The following AGMO variants were observed in gnomAD, a reference collection of about 807,000 sequenced individuals.
AGMO encodes the protein alkylglycerol monooxygenase.
AGMO carries 75 observed loss-of-function variants against 60.2 expected under a neutral mutation model. That is an observed-to-expected ratio of 1.25 (90% confidence interval 1.03 to 1.51). AGMO has a LOEUF of 1.51. Ranked by LOEUF, AGMO falls within the 40% of genes most tolerant of loss-of-function variation. The probability of loss-of-function intolerance (pLI) is 0.00; values close to 1 mark genes in which losing one functional copy is unlikely to be tolerated. For missense variants in AGMO, 763 were observed against 525.5 expected, an observed-to-expected ratio of 1.45 and a Z score of -4.42; for synonymous variants, 261 against 177.1, an observed-to-expected ratio of 1.47 and a Z score of -3.76.
At chr7:15,303,445 A>G (rs1400099285) in intron 12 of AGMO, among the ~76,000 whole-genome samples, 2 of 151,792 alleles carry the variant, frequency 1.3e-5, no homozygotes, top group African/African-American at 4.8e-5. Flanking sequence ...AGAAAAAAAA[A>G]AGAGAGAGAA....
intron 12 of AGMO, among the ~76,000 whole-genome samples, chr7:15,365,020 C>G (rs1024057429): frequency 1.8e-4 from 27 of 151,948 alleles, no homozygotes; most frequent in African/African-American, 6.3e-4. Flanking sequence ...TAAGAATTAA[C>G]CATCACAGAA....
intron 3 of AGMO, among the ~76,000 whole-genome samples, chr7:15,521,615 G>A (rs904472802): frequency 6.6e-6 from 1 of 152,136 alleles, no homozygotes; most frequent in African/African-American, 2.4e-5. Context: ...TATCTCAATA[G>A]ATGCAGAAAA....
intron 12 of AGMO, among the ~76,000 whole-genome samples, chr7:15,229,729 T>TATATATAATTATTTA (rs1782200919): frequency 7.4e-6 from 1 of 135,172 alleles, no homozygotes; most frequent in South Asian, 2.3e-4. Context: ...TATATATAAA[T>TATATATAATTATTTA]TATATATTAT....
chr7:15,244,522 A>G (rs1782684819), intron 12 of AGMO, among the ~76,000 whole-genome samples: 1 of 152,222 alleles, frequency 6.6e-6, no homozygotes, highest in African/African-American at 2.4e-5. Context: ...CAATGCAAAG[A>G]ACGCAAATCT....
chr7:15,480,765 T>A (rs1223156236), intron 3 of AGMO, among the ~76,000 whole-genome samples: 1 of 152,086 alleles, frequency 6.6e-6, no homozygotes, highest in Non-Finnish European at 1.5e-5. Flanking sequence ...AAAATTATTG[T>A]CAAAGCACCT....
downstream of AGMO, among the ~76,000 whole-genome samples, chr7:15,197,595 A>G (rs922594978): frequency 2.0e-5 from 3 of 152,232 alleles, no homozygotes; most frequent in Non-Finnish European, 4.4e-5. Context: ...AGCTAAGGTA[A>G]TGAGCAAGTC....
chr7:15,134,921 C>T, the AGMO span, among the ~76,000 whole-genome samples: 4,228 of 151,918 alleles, frequency 0.028, 209 homozygotes, highest in African/African-American at 0.097. Context: ...AGTTTACACA[C>T]GAATGACGTT....
chr7:15,157,169 C>G, the AGMO span, among the ~76,000 whole-genome samples: 1 of 152,044 alleles, frequency 6.6e-6, no homozygotes, highest in African/African-American at 2.4e-5. Flanking sequence ...AAAAAAACAC[C>G]CTACCTTATT....
the AGMO span, among the ~76,000 whole-genome samples, chr7:15,158,701 T>C: frequency 6.6e-6 from 1 of 152,194 alleles, no homozygotes. Context: ...CAGTCTGTTG[T>C]GCTTATAAAG....
intron 12 of AGMO, among the ~76,000 whole-genome samples, chr7:15,241,470 A>C (rs111533965): frequency 7.8e-4 from 89 of 114,290 alleles, no homozygotes; most frequent in Non-Finnish European, 1.1e-3. Context: ...AAAAAAAAAA[A>C]AAAAAAAAAA....
At position 15,493,612 on chromosome 7, in the gene AGMO, T is replaced by G. The variant is rs533322367; in HGVS notation, c.409+51160A>C. ...GGATGGTCTCGATCTCCTGACCTCG[T>G]GATCCGCCCGCCTCGGCCTCCCAAA... On this transcript the variant is annotated intron_variant, in intron 3 of 12. Transcript: ENST00000342526. Among the ~76,000 whole-genome samples the G allele has an allele frequency of 1.2e-4, 18 of 151,944 alleles. No homozygotes were observed. In the South Asian group the frequency reaches 3.5e-3, roughly 30 times the overall value.
intron 12 of AGMO, among the ~76,000 whole-genome samples, chr7:15,247,165 C>A (rs960983441): frequency 6.6e-5 from 10 of 151,458 alleles, no homozygotes; most frequent in African/African-American, 2.4e-4. Context: ...AAAAAAAAAA[C>A]TGAGAAACAA....
At chr7:15,464,863 G>C (rs1782236886) in intron 3 of AGMO, among the ~76,000 whole-genome samples, 1 of 152,146 alleles carries the variant, frequency 6.6e-6, no homozygotes, top group African/African-American at 2.4e-5. Flanking sequence ...AATAACTCTT[G>C]AATAGGAAAT....
At chr7:15,534,667 C>G (rs1290918537) in intron 3 of AGMO, among the ~76,000 whole-genome samples, 1 of 151,788 alleles carries the variant, frequency 6.6e-6, no homozygotes, top group Non-Finnish European at 1.5e-5. Context: ...ATTCTTTATA[C>G]AACCAAGTTT....
chr7:15,463,963 T>C (rs1416239913), intron 3 of AGMO, among the ~76,000 whole-genome samples: 1 of 152,156 alleles, frequency 6.6e-6, no homozygotes, highest in Admixed American at 6.6e-5. Context: ...AATATTTCAA[T>C]AGGGCTGACT....
At chr7:15,165,088 A>G in the AGMO span, among the ~76,000 whole-genome samples, 1 of 152,188 alleles carries the variant, frequency 6.6e-6, no homozygotes, top group Non-Finnish European at 1.5e-5. Flanking sequence ...TCTCAGCTAC[A>G]TGGATGGAGC....
At chr7:15,326,179 G>T (rs572722859) in intron 12 of AGMO, among the ~76,000 whole-genome samples, 12 of 152,090 alleles carry the variant, frequency 7.9e-5, no homozygotes, top group Middle Eastern at 3.4e-3. Context: ...TTGAATTAAA[G>T]GGGGGGTTAA....
At chr7:15,386,981 C>T (rs968297359) in intron 9 of AGMO, among the ~76,000 whole-genome samples, 1 of 152,140 alleles carries the variant, frequency 6.6e-6, no homozygotes, top group Non-Finnish European at 1.5e-5. Context: ...CTTAATGTGA[C>T]TTTAGATACA....
intron 2 of AGMO, among the ~76,000 whole-genome samples, chr7:15,552,198 A>T (rs1784983577): frequency 6.6e-6 from 1 of 152,178 alleles, no homozygotes; most frequent in South Asian, 2.1e-4. Flanking sequence ...TAAACATTAG[A>T]CCTAAAACCA....
Sources: gnomAD v4.1 joint callset for allele counts (sites outside exome capture counted in the v4.1 genomes callset) on GRCh38, gnomAD v4.1.1 for gene constraint, MANE v1.5 for transcripts, NCBI Gene and HGNC (gene_info 2026-07-23, HGNC 2026-07-21) for gene names.